Variants in EHMT1 observed in about 807,000 individuals in gnomAD.
EHMT1 encodes histone-lysine N-methyltransferase EHMT1.
EHMT1 carries 15 observed loss-of-function variants against 147.2 expected under a neutral mutation model. That is an observed-to-expected ratio of 0.10 (90% CI 0.07 to 0.16). The LOEUF (loss-of-function observed/expected upper bound fraction) is 0.16, where lower values mean the gene tolerates loss of function less well. EHMT1 is among the 10% of genes least tolerant of loss of function. The pLI, the probability that EHMT1 is intolerant of heterozygous loss-of-function variation, is 1.00. For synonymous variants in EHMT1, 795 were observed against 709.6 expected (o/e 1.12, Z -1.91); for missense variants, 1,587 against 1,772.4 (o/e 0.90, Z 1.88).
intron 3 of EHMT1, 29 bp downstream of exon 3, chr9:137,717,211 C>T (rs923905236): frequency 1.9e-6 from 3 of 1,608,506 alleles, no homozygotes; most frequent in African/African-American, 2.7e-5. Context: ...TTGCTGTTTC[C>T]TTTTTCCCAT....
chr9:137,796,894 G>A (rs1166648770), intron 16 of EHMT1, among the ~76,000 whole-genome samples: 1 of 152,016 alleles, frequency 6.6e-6, no homozygotes, highest in Non-Finnish European at 1.5e-5. Flanking sequence ...GCGGGACATA[G>A]AGCAGCAGGC....
At chr9:137,621,279 G>C (rs566971942) in intron 1 of EHMT1, among the ~76,000 whole-genome samples, 2 of 152,324 alleles carry the variant, frequency 1.3e-5, no homozygotes, top group Non-Finnish European at 2.9e-5. Flanking sequence ...CTAAACCTGG[G>C]AAATGATTCC....
intron 7 of EHMT1, 143 bp downstream of exon 7, chr9:137,752,551 G>C (rs1286549875): frequency 1.1e-6 from 1 of 938,670 alleles, no homozygotes; most frequent in African/African-American, 1.6e-5. Context: ...GATGGCCACA[G>C]ATGGGTCCTG....
chr9:137,750,799 G>A (rs142782758), intron 6 of EHMT1, among the ~76,000 whole-genome samples: 15 of 152,382 alleles, frequency 9.8e-5, no homozygotes, highest in Non-Finnish European at 2.1e-4. Flanking sequence ...TTACTCAGGA[G>A]CGCTGAGGCG....
intron 10 of EHMT1, among the ~76,000 whole-genome samples, chr9:137,772,242 G>T (rs1348470655): frequency 6.6e-6 from 1 of 152,142 alleles, no homozygotes; most frequent in Non-Finnish European, 1.5e-5. Flanking sequence ...GGTTATAGGG[G>T]ATGGCTTGAA....
chr9:137,820,499 T>TA (rs1955322612), intron 25 of EHMT1, among the ~76,000 whole-genome samples: 1 of 152,280 alleles, frequency 6.6e-6, no homozygotes, highest in Non-Finnish European at 1.5e-5. Flanking sequence ...TTCTTTTTTT[T>TA]ATTCTAGTTC....
chr9:137,803,442 A>G, intron 18 of EHMT1: 1 of 389,044 alleles, frequency 2.6e-6, no homozygotes, highest in South Asian at 1.1e-4. Context: ...GTTTTATAGA[A>G]AAGGGCTCTC....
chr9:137,646,144 G>A (rs1360195896), intron 1 of EHMT1, among the ~76,000 whole-genome samples: 2 of 152,076 alleles, frequency 1.3e-5, no homozygotes, highest in Non-Finnish European at 2.9e-5. Flanking sequence ...ATTTTAAATA[G>A]GGATGGGATT....
At chr9:137,821,051 G>A (rs1235606136) in intron 25 of EHMT1, among the ~76,000 whole-genome samples, 4 of 152,164 alleles carry the variant, frequency 2.6e-5, no homozygotes, top group Non-Finnish European at 5.9e-5. Context: ...CTAACTTTTT[G>A]TATTTTTAGT....
chr9:137,801,408 G>A (rs1953476177), intron 18 of EHMT1, among the ~76,000 whole-genome samples: 1 of 152,032 alleles, frequency 6.6e-6, no homozygotes, highest in Non-Finnish European at 1.5e-5. Context: ...TGCAACCTCT[G>A]CCTCCTGGGT....
chr9:137,641,200 G>T, intron 1 of EHMT1: 1 of 421,612 alleles, frequency 2.4e-6, no homozygotes, highest in Non-Finnish European at 4.7e-6. Context: ...TGAAGAACCT[G>T]TCTGGTTCCT....
Position 137,754,225 on chromosome 9 carries a change from A to G in EHMT1, c.1303A>G (p.Ser435Gly), listed in dbSNP as rs2136218962. 6.2e-7 allele frequency: 1 copy of G among 1,614,182 alleles called. No homozygotes were observed. The highest frequency in any genetic ancestry group is 8.5e-7 in the Non-Finnish European group (1 of 1,180,034). ...TCTCAAGAGGAAAGGAAAGACCGAC[A>G]GTCCCTGGATCAAGCCAGCCAGGAA... ...KFLKRKGKTD[S>G]PWIKPARKRR... Residue 435 changes from serine (S) to glycine (G), a missense_variant, in exon 8 of 27, where the codon AGT (serine) becomes GGT (glycine). Physicochemically the swap from Ser to Gly is moderately conservative, Grantham distance 56. Around this residue, in one of 7 missense-constraint regions of EHMT1, gnomAD observed 810 missense variants for 673.0 expected, o/e 1.20. Coordinates refer to ENST00000460843, the MANE Select transcript of EHMT1 (RefSeq NM_024757.5).
chr9:137,807,710 G>A (rs1448724945), intron 18 of EHMT1, among the ~76,000 whole-genome samples: 1 of 151,908 alleles, frequency 6.6e-6, no homozygotes, highest in Non-Finnish European at 1.5e-5. Flanking sequence ...GTTTCACCAC[G>A]TTGCCCAGGC....
At chr9:137,834,242 C>G in intron 25 of EHMT1, 107 bp from the exon 26 acceptor site, 1 of 1,450,842 alleles carries the variant, frequency 6.9e-7, no homozygotes, top group Non-Finnish European at 9.4e-7. Context: ...CATGGCGGGC[C>G]TGCGCCCAAC....
At chr9:137,767,863 A>G (rs1950313811) in intron 10 of EHMT1, among the ~76,000 whole-genome samples, 1 of 152,170 alleles carries the variant, frequency 6.6e-6, no homozygotes, top group Non-Finnish European at 1.5e-5. Context: ...GTTGAACGTC[A>G]TATTGGCCCT....
At chr9:137,710,633 A>G (rs1242859873) in intron 1 of EHMT1, among the ~76,000 whole-genome samples, 1 of 152,206 alleles carries the variant, frequency 6.6e-6, no homozygotes, top group African/African-American at 2.4e-5. Flanking sequence ...TATTGTCAGC[A>G]GTAGAATGCA....
At chr9:137,802,467 A>G in intron 18 of EHMT1, 2 of 398,712 alleles carry the variant, frequency 5.0e-6, no homozygotes, top group Non-Finnish European at 4.4e-6. Flanking sequence ...TAAATTGATA[A>G]TAAGAAAGAA....
chr9:137,783,559 G>A (rs565342541), intron 15 of EHMT1, among the ~76,000 whole-genome samples: 4 of 152,262 alleles, frequency 2.6e-5, no homozygotes, highest in South Asian at 2.1e-4. Flanking sequence ...AGTGATTCTC[G>A]TTTATATTTA....
At chr9:137,743,605 T>G in intron 5 of EHMT1, 77 bp downstream of exon 5, 2 of 1,604,684 alleles carry the variant, frequency 1.2e-6, no homozygotes, top group Non-Finnish European at 1.7e-6. Flanking sequence ...TTATCAGTAA[T>G]TTGGGTGACC....
Sources: allele counts gnomAD v4.1 joint callset (sites outside exome capture counted in the v4.1 genomes callset), GRCh38; gene constraint gnomAD v4.1.1; regional missense constraint gnomAD v4.1.1; transcripts MANE v1.5; gene names NCBI Gene and HGNC (gene_info 2026-07-23, HGNC 2026-07-21).